The following PLB1 variants were observed in gnomAD, a reference collection of about 807,000 sequenced individuals.
PLB1 encodes the protein phospholipase B1, also known as phospholipase B1, membrane-associated.
A neutral mutation model predicts 227.4 loss-of-function variants in PLB1; 242 were observed. That is an observed-to-expected ratio of 1.06 (90% confidence interval 0.96 to 1.18). The LOEUF (loss-of-function observed/expected upper bound fraction) is 1.18. Among genes scored for constraint, PLB1 ranks in the 50% most tolerant of loss-of-function variants. The pLI, the probability that PLB1 is intolerant of heterozygous loss-of-function variation, is 0.00. For synonymous variants in PLB1, 757 were observed against 682.2 expected, an observed-to-expected ratio of 1.11 and a Z score of -1.71; for missense variants, 1,858 against 1,816.3, an observed-to-expected ratio of 1.02 and a Z score of -0.42.
chr2:28,635,324 AAAT>A (rs779608365), intron 56 of PLB1, among the ~76,000 whole-genome samples: 41 of 152,222 alleles, frequency 2.7e-4, no homozygotes, highest in Admixed American at 7.2e-4. Flanking sequence ...AACAAAAAAT[AAAT>A]AATAGACCAT....
At chr2:28,605,999 G>GT in intron 42 of PLB1, 51 bp downstream of exon 42, 2 of 1,430,662 alleles carry the variant, frequency 1.4e-6, no homozygotes, top group Non-Finnish European at 2.0e-6. Context: ...TCTAGGGCAG[G>GT]GCACCAGCCC....
chr2:28,552,909 C>T lies in PLB1; in HGVS notation c.1084-19C>T. 4.3e-6 allele frequency: 7 copies of T among 1,611,492 alleles called. No individual in the cohort carries two copies. The highest frequency in any genetic ancestry group is 5.9e-6 in the Non-Finnish European group (7 of 1,177,720). ...TAGAAAAATCCATTTTCCTTATTTC[C>T]CTGTGTGTCTCATTTCAGGTAAGAG... On this transcript the variant is annotated intron_variant, in intron 16 of 57. Transcript: ENST00000327757.
intron 1 of PLB1, among the ~76,000 whole-genome samples, chr2:28,508,682 C>A (rs1209758078): frequency 6.6e-6 from 1 of 152,218 alleles, no homozygotes. Context: ...TTGGGCCCTC[C>A]CCTTCCAAGC....
intron 33 of PLB1, chr2:28,595,106 G>C (rs1682687593): frequency 6.6e-6 from 1 of 152,098 alleles, no homozygotes; most frequent in East Asian, 1.9e-4. Flanking sequence ...CGACCAGCTG[G>C]GCTCCTGGGA....
rs951072120 is a variant in PLB1 at position 28,628,967 on chromosome 2, C to G, written c.3727-127C>G. The G allele has an allele frequency of 9.5e-6, 7 of 734,540 alleles. No homozygotes were observed. In the South Asian group the frequency reaches 1.3e-4, roughly 14 times the overall value. The allele number at this position is 734,540 out of a possible 1,614,324, so 45.5% of individuals were successfully genotyped here. On this transcript the variant is annotated intron_variant, in intron 52 of 57. Transcript: ENST00000327757. Reference sequence around the variant, plus strand: ...TTCAGTGAGATACTACAAGTTGCATCCCCTCTCTGGGCCTCAGTTTCTTCA... The same window carrying G: ...TTCAGTGAGATACTACAAGTTGCATGCCCTCTCTGGGCCTCAGTTTCTTCA...
At chr2:28,630,203 T>C (rs959927250) in intron 53 of PLB1, among the ~76,000 whole-genome samples, 2 of 152,084 alleles carry the variant, frequency 1.3e-5, no homozygotes, top group African/African-American at 2.4e-5. Context: ...GACAGAGCCA[T>C]TGTGGCTGGT....
chr2:28,550,907 C>T (rs559963682), intron 16 of PLB1, among the ~76,000 whole-genome samples: 5 of 152,186 alleles, frequency 3.3e-5, no homozygotes, highest in Non-Finnish European at 5.9e-5. Flanking sequence ...TGCTACTAAC[C>T]GCTGATGTTC....
At chr2:28,592,248 G>A (rs1682085668) in intron 31 of PLB1, among the ~76,000 whole-genome samples, 1 of 152,142 alleles carries the variant, frequency 6.6e-6, no homozygotes, top group African/African-American at 2.4e-5. Context: ...TGCACGTCAG[G>A]TCCTGCACCT....
intron 57 of PLB1, among the ~76,000 whole-genome samples, chr2:28,641,999 G>A (rs540892046): frequency 2.6e-5 from 4 of 152,014 alleles, no homozygotes; most frequent in South Asian, 4.1e-4. Context: ...ACGACTGCCC[G>A]CATCCAGGCC....
chr2:28,579,702 G>A lies in PLB1; in HGVS notation c.1561G>A (p.Asp521Asn). 6.2e-7 allele frequency: 1 copy of A among 1,611,810 alleles called. No individual in the cohort carries two copies. Among genetic ancestry groups the A allele is most frequent in the Non-Finnish European group, 8.5e-7 (1 of 1,178,044 alleles). The change falls in exon 23 of 58, where the codon GAT becomes AAT. Residue 521 changes from aspartate (D) to asparagine (N), a missense_variant. By Grantham distance (23) the Asp-to-Asn change is conservative (BLOSUM62 1). Coordinates refer to ENST00000327757, the MANE Select transcript of PLB1 (RefSeq NM_153021.5). ...CAATGACCTCTGTGATTTCTGCAAT[G>A]ATCTGGTAGGTCTCCAGGCACTTTA... ...GGNDLCDFCN[D>N]LVHYSPQNFT...
chr2:28,582,151 T>C lies in PLB1; in HGVS notation c.1632+18T>C, dbSNP rs558169451. 4.4e-6 allele frequency: 7 copies of C among 1,609,156 alleles called. No individual in the cohort carries two copies. In the African/African-American group the frequency reaches 9.3e-5, roughly 21 times the overall value. On this transcript the variant is annotated intron_variant, in intron 24 of 57. Transcript: ENST00000327757. ...ATGCTGAGGTACGGAGGCTAGGCCA[T>C]GAGGCCTGCATCTTAGACCTCAGAC... is the stretch of plus-strand genomic sequence containing the variant.
chr2:28,636,815 C>T (rs940965617), intron 56 of PLB1, among the ~76,000 whole-genome samples: 9 of 152,084 alleles, frequency 5.9e-5, no homozygotes, highest in Admixed American at 5.9e-4. Flanking sequence ...TGGGGTTAGA[C>T]GTCAGCATGA....
chr2:28,580,547 T>C (rs748512082), intron 23 of PLB1, among the ~76,000 whole-genome samples: 3 of 152,136 alleles, frequency 2.0e-5, no homozygotes, highest in Non-Finnish European at 4.4e-5. Flanking sequence ...AAACCCTGTC[T>C]CTACAAAAAT....
chr2:28,543,405 T>A, intron 14 of PLB1, 137 bp downstream of exon 14: 3 of 896,522 alleles, frequency 3.3e-6, no homozygotes, highest in Non-Finnish European at 5.0e-6. Flanking sequence ...CAGGGATGCT[T>A]CTGTCTCCCG....
At chr2:28,601,467 T>G in intron 37 of PLB1, 135 bp downstream of exon 37, 8 of 603,892 alleles carry the variant, frequency 1.3e-5, no homozygotes, top group East Asian at 2.8e-5. Context: ...CATATACACA[T>G]ACCACACACA....
chr2:28,552,981 TC>T lies in PLB1; in HGVS notation c.1140del (p.Thr381ProfsTer6). ...CPDKDPSDTVPTSVHRLKPAD... is the reference protein window; with the variant it reads ...CPDKDPSDTVXTSVHRLKPAD... ...CTGACAAAGACCCCTCCGATACGGT[TC>T]CCACCTCAGGTACACAGCTTGCACC... On this transcript the variant is annotated frameshift_variant, in exon 17 of 58. Coordinates refer to ENST00000327757, the MANE Select transcript of PLB1 (RefSeq NM_153021.5). LOFTEE classifies it high-confidence loss of function. 1 of 1,613,798 alleles carries T rather than the reference TC, an allele frequency of 6.2e-7. No homozygotes were observed. The highest frequency in any genetic ancestry group is 1.3e-5 in the African/African-American group (1 of 75,048).
chr2:28,608,758 C>T (rs1188383270), intron 43 of PLB1, among the ~76,000 whole-genome samples: 2 of 152,140 alleles, frequency 1.3e-5, no homozygotes, highest in East Asian at 3.9e-4. Context: ...ACCACCTCCC[C>T]CTTGAAATTC....
chr2:28,513,560 G>A (rs570499733), intron 1 of PLB1, among the ~76,000 whole-genome samples: 7 of 152,310 alleles, frequency 4.6e-5, no homozygotes, highest in African/African-American at 9.6e-5. Context: ...GATAAAACTG[G>A]TATCAAATGC....
intron 43 of PLB1, among the ~76,000 whole-genome samples, chr2:28,611,490 T>C (rs1421889050): frequency 6.6e-6 from 1 of 152,056 alleles, no homozygotes; most frequent in Non-Finnish European, 1.5e-5. Context: ...TTGCCTCAGT[T>C]CCTCAGCAGG....
Sources: gnomAD v4.1 joint callset for allele counts (sites outside exome capture counted in the v4.1 genomes callset) on GRCh38, gnomAD v4.1.1 for gene constraint, MANE v1.5 for transcripts, NCBI Gene and HGNC (gene_info 2026-07-23, HGNC 2026-07-21) for gene names.